Variants in ALDH8A1 observed in about 807,000 individuals in gnomAD.
The protein encoded by ALDH8A1 is 2-aminomuconic semialdehyde dehydrogenase.
In ALDH8A1, 39 loss-of-function variants were observed where a neutral mutation model predicts 43.3. That is an observed-to-expected ratio of 0.90 (90% CI 0.70 to 1.18). The LOEUF (loss-of-function observed/expected upper bound fraction) is 1.18, where lower values mean the gene tolerates loss of function less well. Ranked by LOEUF, ALDH8A1 falls within the 50% of genes most tolerant of loss-of-function variation. The pLI is 0.00. For synonymous variants in ALDH8A1, 233 were observed against 243.5 expected (o/e 0.96, Z 0.40); for missense variants, 605 against 622.6 (o/e 0.97, Z 0.30).
chr6:134,930,254 A>T (rs868269140), intron 5 of ALDH8A1, among the ~76,000 whole-genome samples: 7 of 152,194 alleles, frequency 4.6e-5, no homozygotes, highest in African/African-American at 1.7e-4. Context: ...ATTGCAAGGA[A>T]GGGAGAGGGA....
chr6:134,928,333 A>C (rs745465382), intron 6 of ALDH8A1, among the ~76,000 whole-genome samples: 68 of 152,196 alleles, frequency 4.5e-4, no homozygotes, highest in Admixed American at 1.2e-3. Context: ...AAATATAGAC[A>C]AAGTGGGAGT....
intron 1 of ALDH8A1, among the ~76,000 whole-genome samples, chr6:134,948,130 TAAGTG>T (rs1773985733): frequency 6.6e-6 from 1 of 152,202 alleles, no homozygotes; most frequent in African/African-American, 2.4e-5. Flanking sequence ...GATATTACGT[TAAGTG>T]AAGTAAGCAA....
chr6:134,927,538 GAGAT>G (rs1776906331), intron 6 of ALDH8A1, among the ~76,000 whole-genome samples: 2 of 152,056 alleles, frequency 1.3e-5, no homozygotes, highest in African/African-American at 4.8e-5. Flanking sequence ...CACACAGAGA[GAGAT>G]CATTCAACTG....
At chr6:134,942,679 C>T (rs1210571916) in intron 2 of ALDH8A1, 115 bp from the exon 3 acceptor site, 15 of 1,045,040 alleles carry the variant, frequency 1.4e-5, no homozygotes, top group Middle Eastern at 2.2e-4. Flanking sequence ...CCTTCTAGCC[C>T]GGGGCAGGCA....
At chr6:134,933,803 G>C (rs1240065197) in intron 4 of ALDH8A1, among the ~76,000 whole-genome samples, 2 of 152,142 alleles carry the variant, frequency 1.3e-5, no homozygotes, top group East Asian at 3.8e-4. Context: ...CTGCCTCCCA[G>C]GTTCAAGAGA....
In ALDH8A1 at chr6:134,939,264, A is replaced by G. The variant is rs1384207146; in HGVS notation, c.592+2T>C. On this transcript the variant is annotated splice_donor_variant, in intron 4 of 6. Coordinates refer to ENST00000265605, the MANE Select transcript of ALDH8A1 (RefSeq NM_022568.4). LOFTEE classifies it high-confidence loss of function. Reference sequence around the variant, plus strand: ...TGCCCCCCAACCCCAACACCTAATTACCTGCTTTATCCAGGAGTTTGCACA... The same window carrying G: ...TGCCCCCCAACCCCAACACCTAATTGCCTGCTTTATCCAGGAGTTTGCACA... 5 of 1,613,844 alleles carry G rather than the reference A, an allele frequency of 3.1e-6. No homozygotes were observed. Among genetic ancestry groups the G allele is most frequent in the Admixed American group, 3.3e-5 (2 of 60,008 alleles).
intron 6 of ALDH8A1, among the ~76,000 whole-genome samples, chr6:134,927,348 A>G (rs1466595152): frequency 5.3e-5 from 8 of 152,226 alleles, no homozygotes; most frequent in Non-Finnish European, 1.5e-5. Flanking sequence ...GTGGCCAAGC[A>G]GGAACATACT....
intron 2 of ALDH8A1, among the ~76,000 whole-genome samples, chr6:134,943,102 T>C (rs1006714990): frequency 6.6e-6 from 1 of 152,168 alleles, no homozygotes; most frequent in African/African-American, 2.4e-5. Flanking sequence ...AGCTCCTGGA[T>C]GGAACAGAAA....
At chr6:134,939,954 T>C (rs1164044475) in intron 3 of ALDH8A1, among the ~76,000 whole-genome samples, 1 of 152,182 alleles carries the variant, frequency 6.6e-6, no homozygotes, top group East Asian at 1.9e-4. Context: ...CCATTATCCT[T>C]AGCAAAGTAA....
chr6:134,917,712 T>C lies in ALDH8A1; in HGVS notation c.*703A>G, dbSNP rs1472436413. On this transcript the variant is annotated 3_prime_UTR_variant, in exon 7 of 7. Transcript: ENST00000265605. ...TAGTGGCTAATAGACAAGGAGATTA[T>C]CTCCATAATCTCTCCAAAGATGGCA... The C allele has an allele frequency of 3.3e-5, 5 of 152,208 alleles. No individual in the cohort carries two copies. The highest frequency in any genetic ancestry group is 9.7e-5 in the African/African-American group (4 of 41,450). 9.4% of individuals were successfully genotyped at this position (152,208 alleles called of 1,614,324 possible). A position where few individuals can be genotyped will look rare whatever the true frequency, so the allele number is the denominator to read the frequency against.
intron 4 of ALDH8A1, among the ~76,000 whole-genome samples, chr6:134,937,316 T>TA (rs1773758820): frequency 6.6e-6 from 1 of 152,238 alleles, no homozygotes; most frequent in Admixed American, 6.5e-5. Flanking sequence ...AAGCTTCTCT[T>TA]ACGTTGCTCT....
chr6:134,944,897 GTA>G (rs1306973988), intron 1 of ALDH8A1, among the ~76,000 whole-genome samples: 5 of 146,998 alleles, frequency 3.4e-5, no homozygotes, highest in African/African-American at 1.0e-4. Flanking sequence ...TCAAAAAAAT[GTA>G]TATGTTATAC....
At chr6:134,946,801 T>TGTGTGC (rs1408682706) in intron 1 of ALDH8A1, among the ~76,000 whole-genome samples, 1 of 150,926 alleles carries the variant, frequency 6.6e-6, no homozygotes. Flanking sequence ...CAGGTGCGCA[T>TGTGTGC]GTGTGCGTGC....
At chr6:134,918,990 G>A in intron 6 of ALDH8A1, 123 bp from the exon 7 acceptor site, 1 of 1,135,754 alleles carries the variant, frequency 8.8e-7, no homozygotes, top group Non-Finnish European at 1.2e-6. Flanking sequence ...AGAAATCTAT[G>A]GTCGATTATC....
chr6:134,934,696 T>C (rs954868942), intron 4 of ALDH8A1, among the ~76,000 whole-genome samples: 1 of 152,088 alleles, frequency 6.6e-6, no homozygotes, highest in Non-Finnish European at 1.5e-5. Context: ...GGCAGGAGAA[T>C]CTCTTGAACC....
chr6:134,939,212 A>C, intron 4 of ALDH8A1, 54 bp downstream of exon 4: 1 of 1,593,856 alleles, frequency 6.3e-7, no homozygotes, highest in Non-Finnish European at 8.6e-7. Flanking sequence ...ATTTCTATAA[A>C]CTATAGGTTT....
At chr6:134,940,955 T>C (rs940597173) in intron 3 of ALDH8A1, among the ~76,000 whole-genome samples, 9 of 152,202 alleles carry the variant, frequency 5.9e-5, no homozygotes, top group African/African-American at 1.9e-4. Context: ...GATGTCCCAA[T>C]TGTTTTCCTT....
chr6:134,925,852 G>A (rs1776873229), intron 6 of ALDH8A1, among the ~76,000 whole-genome samples: 1 of 152,168 alleles, frequency 6.6e-6, no homozygotes, highest in South Asian at 2.1e-4. Flanking sequence ...ACTCTCAGAA[G>A]GGGAAGGAGA....
chr6:134,929,366 C>A, intron 5 of ALDH8A1, 151 bp from the exon 6 acceptor site: 1 of 676,306 alleles, frequency 1.5e-6, no homozygotes. Context: ...ATGTGGAACA[C>A]ATAGTCTTGT....
Sources: gnomAD v4.1 joint callset for allele counts (sites outside exome capture counted in the v4.1 genomes callset) on GRCh38, gnomAD v4.1.1 for gene constraint, MANE v1.5 for transcripts, NCBI Gene and HGNC (gene_info 2026-07-23, HGNC 2026-07-21) for gene names.